NFS1: variants seen among roughly 807,000 people sequenced by gnomAD.
The protein encoded by NFS1 is NFS1 cysteine desulfurase.
A neutral mutation model predicts 57.3 loss-of-function variants in NFS1; 26 were observed. The observed-to-expected ratio is 0.45, with a 90% CI of 0.33 to 0.63. NFS1 has a LOEUF of 0.63. NFS1 is among the 20% of genes least tolerant of loss of function. The pLI is 0.02. For synonymous variants in NFS1, 209 were observed against 216.3 expected (o/e 0.97, Z 0.30); for missense variants, 505 against 605.8 (o/e 0.83, Z 1.75).
rs563234349 is a variant in NFS1, at chr20:35,676,467, T to G, written c.791-1265A>C. On this transcript the variant is annotated intron_variant, in intron 7 of 12. Transcript: ENST00000374092. ...TGGGCGTGGTGGCACGCACCTGTAATCCCAGCTACTCAGGAGGCTGAGGCA... is the reference window on the plus strand; with the variant it reads ...TGGGCGTGGTGGCACGCACCTGTAAGCCCAGCTACTCAGGAGGCTGAGGCA... 1.1e-3 allele frequency among the ~76,000 whole-genome samples: 170 copies of G among 151,420 alleles called. 1 individual carries two copies. The highest frequency in any genetic ancestry group is 3.4e-3 in the Middle Eastern group (1 of 294).
Position 35,699,183 on chromosome 20 carries a change from CGA to C in NFS1, c.97+7_97+8del. On this transcript the variant is annotated splice_region_variant and intron_variant, in intron 1 of 12. Transcript: ENST00000374092. The surrounding 1 kb of genome is among the most constrained non-coding windows in gnomAD (Gnocchi z 4.4). Reference sequence around the variant, plus strand: ...TCCGCGCCTCCCGGAGAGCGGGACCCGAGCGTACCGCGCAGGCGCAGCCCCCG... The same window carrying C: ...TCCGCGCCTCCCGGAGAGCGGGACCCGCGTACCGCGCAGGCGCAGCCCCCG... 1 of 1,400,476 alleles carries C rather than the reference CGA, an allele frequency of 7.1e-7. No homozygotes were observed. Among genetic ancestry groups the C allele is most frequent in the East Asian group, 3.0e-5 (1 of 33,706 alleles). The allele number at this position is 1,400,476 out of a possible 1,614,324, so 86.8% of individuals were successfully genotyped here.
intron 4 of NFS1, 60 bp from the exon 5 acceptor site, chr20:35,690,625 A>C: frequency 6.4e-7 from 1 of 1,570,226 alleles, no homozygotes; most frequent in Non-Finnish European, 8.7e-7. Flanking sequence ...CAATGACTTC[A>C]ATCTCATTTG....
intron 7 of NFS1, among the ~76,000 whole-genome samples, chr20:35,680,407 C>T (rs994492344): frequency 6.6e-6 from 1 of 152,166 alleles, no homozygotes; most frequent in East Asian, 1.9e-4. Context: ...TTGCTCTGCA[C>T]ATCATAGTGG....
rs904198107 is a variant in NFS1 at position 35,697,811 on chromosome 20, C to T, written c.208-11G>A. 2 of 1,565,838 alleles carry T rather than the reference C, an allele frequency of 1.3e-6. No homozygotes were observed. Among genetic ancestry groups the T allele is most frequent in the Admixed American group, 3.5e-5 (2 of 57,172 alleles). On this transcript the variant is annotated splice_polypyrimidine_tract_variant and intron_variant, in intron 2 of 12. Transcript: ENST00000374092. Reference sequence around the variant, plus strand: ...AAGCACCCGGGGGTCCTGAACACAACAGAACAGATCATTTTCCTTGAGCGC... The same window carrying T: ...AAGCACCCGGGGGTCCTGAACACAATAGAACAGATCATTTTCCTTGAGCGC...
At chr20:35,675,241 A>G in intron 7 of NFS1, 39 bp from the exon 8 acceptor site, 1 of 1,532,402 alleles carries the variant, frequency 6.5e-7, no homozygotes. Flanking sequence ...AGAAAGAGAG[A>G]AAAGTAGATA....
chr20:35,673,887 G>C, intron 10 of NFS1: 2 of 514,086 alleles, frequency 3.9e-6, no homozygotes, highest in Non-Finnish European at 3.5e-6. Context: ...TGGCCCCCAT[G>C]GTGGATGACT....
At chr20:35,691,521 A>G (rs2146434477) in intron 4 of NFS1, among the ~76,000 whole-genome samples, 1 of 151,640 alleles carries the variant, frequency 6.6e-6, no homozygotes, top group East Asian at 1.9e-4. Flanking sequence ...CAGGTGGATC[A>G]TCTAAGGTCA....
rs371672125 is a variant in NFS1, at chr20:35,672,782, T to G, written c.1283A>C (p.Gln428Pro). The G allele has an allele frequency of 3.1e-5, 50 of 1,613,476 alleles. No individual in the cohort carries two copies. Among genetic ancestry groups the G allele is most frequent in the African/African-American group, 5.3e-5 (4 of 74,930 alleles). ...CATTTCTCGAAGACGCTTCACATGC[T>G]GAATGCATTTCTCCACTGTGTAGTC... is the stretch of plus-strand genomic sequence containing the variant. ...EVDYTVEKCI[Q>P]HVKRLREMSP... is the part of the protein sequence containing the mutation. The change falls in exon 12 of 13, where the codon CAG becomes CCG. Residue 428 changes from glutamine to proline, a missense_variant. Transcript: ENST00000374092.
In NFS1 at chr20:35,691,948, C is replaced by T. The variant is rs562626922; in HGVS notation, c.409-1383G>A. On this transcript the variant is annotated intron_variant, in intron 4 of 12. Transcript: ENST00000374092. ...CTGTAATTCCAACACTTTGGGAGGC[C>T]GAGAAGGGAGGGTCACCTAAGGTCG... Among the ~76,000 whole-genome samples the T allele has an allele frequency of 4.0e-5, 6 of 151,516 alleles. No homozygotes were observed. The East Asian group carries it at 9.7e-4, about 25-fold the overall frequency.
intron 5 of NFS1, among the ~76,000 whole-genome samples, chr20:35,683,523 GTA>G (rs2034885989): frequency 6.6e-6 from 1 of 151,528 alleles, no homozygotes; most frequent in African/African-American, 2.4e-5. Flanking sequence ...GCTCACACCT[GTA>G]ATCCAAGCAC....
In NFS1 at chr20:35,696,735, G is replaced by A. The variant is rs1050463331; in HGVS notation, c.325-275C>T. Reference sequence around the variant, plus strand: ...TGTAACCCCAGCACTTTGGGAGGCCGAGGTGGAAAGATCACCTGAGGTCAG... The same window carrying A: ...TGTAACCCCAGCACTTTGGGAGGCCAAGGTGGAAAGATCACCTGAGGTCAG... On this transcript the variant is annotated intron_variant, in intron 3 of 12. Transcript: ENST00000374092. Among the ~76,000 whole-genome samples the A allele has an allele frequency of 3.3e-5, 5 of 152,082 alleles. No individual in the cohort carries two copies. In the East Asian group the frequency reaches 5.8e-4, roughly 18 times the overall value.
At chr20:35,671,689 A>G (rs997405806) in intron 12 of NFS1, among the ~76,000 whole-genome samples, 1 of 152,120 alleles carries the variant, frequency 6.6e-6, no homozygotes, top group South Asian at 2.1e-4. Flanking sequence ...CGGGAGTTTG[A>G]GACCAGCCTG....
At chr20:35,695,264 A>C (rs2035113984) in intron 4 of NFS1, among the ~76,000 whole-genome samples, 1 of 152,212 alleles carries the variant, frequency 6.6e-6, no homozygotes, top group African/African-American at 2.4e-5. Flanking sequence ...TCCTGTTAAC[A>C]TGATCAGGCA....
At chr20:35,683,269 G>GTC (rs2034881914) in intron 5 of NFS1, among the ~76,000 whole-genome samples, 1 of 151,930 alleles carries the variant, frequency 6.6e-6, no homozygotes, top group South Asian at 2.1e-4. Context: ...GGATCAGAAG[G>GTC]TCAGAAGTTC....
rs992436040 is a variant in NFS1 at position 35,669,998 on chromosome 20, T to C, written c.1311-313A>G. On this transcript the variant is annotated intron_variant, in intron 12 of 12. Transcript: ENST00000374092. ...ATTCTTGAAGCTTTCATCCCACTGGTAAGAGGCTATGGCCATGGTTTCCCT... is the reference window on the plus strand; with the variant it reads ...ATTCTTGAAGCTTTCATCCCACTGGCAAGAGGCTATGGCCATGGTTTCCCT... Among the ~76,000 whole-genome samples the C allele has an allele frequency of 3.9e-4, 59 of 152,212 alleles. 1 individual carries two copies. The highest frequency in any genetic ancestry group is 1.3e-4 in the Admixed American group (2 of 15,282).
chr20:35,699,314 C>G lies in NFS1; in HGVS notation c.-26G>C. 1 of 1,397,414 alleles carries G rather than the reference C, an allele frequency of 7.2e-7. No homozygotes were observed. The highest frequency in any genetic ancestry group is 9.2e-7 in the Non-Finnish European group (1 of 1,082,840). 86.6% of individuals were successfully genotyped at this position (1,397,414 alleles called of 1,614,324 possible). A position where few individuals can be genotyped will look rare whatever the true frequency, so the allele number is the denominator to read the frequency against. ...GGTCCCGCTGGCAGAGCCCACCTTC[C>G]GAAGCCGCTGCAGTCCTGGGCCCCA... On this transcript the variant is annotated 5_prime_UTR_variant, in exon 1 of 13. Transcript: ENST00000374092. This position sits in a 1 kb window ranked among gnomAD's most constrained non-coding sequence, Gnocchi z 4.4.
intron 5 of NFS1, 71 bp downstream of exon 5, chr20:35,690,342 C>T (rs2035020988): frequency 4.7e-6 from 7 of 1,481,444 alleles, no homozygotes; most frequent in Non-Finnish European, 6.5e-6. Context: ...CAGCTAGGGC[C>T]CAAGAGAGAA....
chr20:35,669,486 T>G lies in NFS1; in HGVS notation c.*136A>C, dbSNP rs563963641. 1.5e-5 allele frequency: 11 copies of G among 724,076 alleles called. No homozygotes were observed. The highest frequency in any genetic ancestry group is 2.5e-5 in the Non-Finnish European group (10 of 406,008). 44.9% of individuals were successfully genotyped at this position (724,076 alleles called of 1,614,324 possible). A position where few individuals can be genotyped will look rare whatever the true frequency, so the allele number is the denominator to read the frequency against. On this transcript the variant is annotated 3_prime_UTR_variant, in exon 13 of 13. Transcript: ENST00000374092. ...AGACAGTTTTCTTGTGTTTCTGTCA[T>G]AGAGGTGGACTGATGCTGAAGTCAA...
chr20:35,696,111 A>G (rs558867402), intron 4 of NFS1, among the ~76,000 whole-genome samples: 11 of 152,216 alleles, frequency 7.2e-5, no homozygotes, highest in Non-Finnish European at 1.5e-4. Context: ...CCAGACAAAA[A>G]AAAAACAAGT....
Sources: allele counts gnomAD v4.1 joint callset (sites outside exome capture counted in the v4.1 genomes callset), GRCh38; gene constraint gnomAD v4.1.1; non-coding constraint Gnocchi (gnomAD v3.1); transcripts MANE v1.5; gene names NCBI Gene and HGNC (gene_info 2026-07-23, HGNC 2026-07-21).